The following DGKI variants were observed in gnomAD, a reference collection of about 807,000 sequenced individuals.
DGKI encodes DAG kinase iota.
Under a neutral mutation model 147.5 loss-of-function variants are expected in DGKI, and 55 were observed. The observed-to-expected ratio is 0.37, with a 90% CI of 0.30 to 0.47. The LOEUF is 0.47. DGKI is among the 20% of genes least tolerant of loss of function. The probability of loss-of-function intolerance (pLI) is 1.00; values close to 1 mark genes in which losing one functional copy is unlikely to be tolerated. For synonymous variants in DGKI, 469 were observed against 477.1 expected (o/e 0.98, Z 0.22); for missense variants, 1,007 against 1,323.8 (o/e 0.76, Z 3.71).
chr7:137,598,165 G>A (rs994989322), intron 11 of DGKI, among the ~76,000 whole-genome samples: 1 of 152,118 alleles, frequency 6.6e-6, no homozygotes, highest in African/African-American at 2.4e-5. Context: ...GGATGTCCTA[G>A]TTTTATTTCC....
intron 6 of DGKI, 95 bp from the exon 7 acceptor site, chr7:137,623,649 A>G: frequency 9.3e-7 from 1 of 1,079,426 alleles, no homozygotes; most frequent in Admixed American, 1.7e-5. Flanking sequence ...ATAAGGCCAG[A>G]AGGCCAGGAC....
At chr7:137,789,591 C>G (rs1382420266) in intron 1 of DGKI, among the ~76,000 whole-genome samples, 1 of 151,922 alleles carries the variant, frequency 6.6e-6, no homozygotes, top group Non-Finnish European at 1.5e-5. Context: ...AAACATTCTA[C>G]AAAGTGTATT....
At chr7:137,618,882 C>A (rs1413878162) in intron 8 of DGKI, among the ~76,000 whole-genome samples, 3 of 152,054 alleles carry the variant, frequency 2.0e-5, no homozygotes, top group Admixed American at 2.0e-4. Flanking sequence ...TAATTTTATT[C>A]GTAAACATTA....
At chr7:137,521,285 G>A (rs1019535451) in intron 21 of DGKI, among the ~76,000 whole-genome samples, 2 of 151,908 alleles carry the variant, frequency 1.3e-5, no homozygotes, top group Non-Finnish European at 2.9e-5. Flanking sequence ...TGTATTCAAA[G>A]AAGCATACAG....
chr7:137,463,589 C>A lies in DGKI; in HGVS notation c.2635G>T (p.Ala879Ser). The A allele has an allele frequency of 3.1e-6, 5 of 1,614,172 alleles. No individual in the cohort carries two copies. Among genetic ancestry groups the A allele is most frequent in the Non-Finnish European group, 4.2e-6 (5 of 1,180,006 alleles). Reference protein sequence around the residue: ...ASGISDWWNPALRKRMLSDSG... With the variant: ...ASGISDWWNPSLRKRMLSDSG... ...TCACTCAGCATGCGTTTCCGCAGGG[C>A]AGGATTCCACCAGTCTGAGATCCTG... The change falls in exon 27 of 33, where the codon GCC (alanine) becomes TCC (serine). Residue 879 changes from alanine (A) to serine (S), a missense_variant. By Grantham distance (99) the Ala-to-Ser change is moderately conservative. Around this residue, in one of 5 missense-constraint regions of DGKI, gnomAD observed 385 missense variants for 445.2 expected, o/e 0.86. Coordinates refer to ENST00000614521, the MANE Select transcript of DGKI (RefSeq NM_001321708.2).
chr7:137,654,862 AAAAC>A, intron 4 of DGKI, 74 bp from the exon 5 acceptor site: 1 of 939,622 alleles, frequency 1.1e-6, no homozygotes, highest in Non-Finnish European at 1.6e-6. Flanking sequence ...GAAAAAAAAA[AAAAC>A]AGTGACAGAT....
chr7:137,555,317 G>C (rs1818187629), intron 19 of DGKI, among the ~76,000 whole-genome samples: 1 of 151,968 alleles, frequency 6.6e-6, no homozygotes, highest in Admixed American at 6.5e-5. Flanking sequence ...CATGAGGTCA[G>C]AAGTTCAAGA....
At chr7:137,478,417 C>A (rs1272174799) in intron 23 of DGKI, among the ~76,000 whole-genome samples, 1 of 152,136 alleles carries the variant, frequency 6.6e-6, no homozygotes, top group African/African-American at 2.4e-5. Flanking sequence ...ATCTATACAC[C>A]TTTCTCTTGT....
chr7:137,594,496 G>A (rs1305971048), intron 12 of DGKI, among the ~76,000 whole-genome samples: 1 of 152,032 alleles, frequency 6.6e-6, no homozygotes, highest in Non-Finnish European at 1.5e-5. Flanking sequence ...ACGGTTATGG[G>A]GTAATATAGC....
Position 137,571,189 on chromosome 7 carries a change from T to C in DGKI, c.1933A>G (p.Thr645Ala). ...DDGYIEVIGF[T>A]MASLAALQVG... is the part of the protein sequence containing the mutation. ...ATATTGCTCACCAAAGAGGCCATGG[T>C]AAATCCAATGACTTCAATATAACCA... Residue 645 changes from threonine to alanine, a missense_variant, in exon 19 of 33, where the codon ACC becomes GCC. By Grantham distance (58) the Thr-to-Ala change is moderately conservative. Transcript: ENST00000614521. 4 of 1,608,468 alleles carry C rather than the reference T, an allele frequency of 2.5e-6. No individual in the cohort carries two copies. The highest frequency in any genetic ancestry group is 3.4e-6 in the Non-Finnish European group (4 of 1,178,690).
intron 14 of DGKI, among the ~76,000 whole-genome samples, chr7:137,582,414 T>TTC (rs147596311): frequency 0.044 from 6,598 of 148,886 alleles, 328 homozygotes; most frequent in African/African-American, 0.13. Flanking sequence ...ATCACCCATT[T>TTC]TCTCTCTCTC....
intron 19 of DGKI, among the ~76,000 whole-genome samples, chr7:137,565,208 A>G (rs2128973076): frequency 6.6e-6 from 1 of 152,284 alleles, no homozygotes; most frequent in East Asian, 1.9e-4. Flanking sequence ...TAAAATAATT[A>G]TTACATAAAT....
chr7:137,728,137 T>C (rs1351088250), intron 1 of DGKI, among the ~76,000 whole-genome samples: 3 of 152,206 alleles, frequency 2.0e-5, no homozygotes, highest in Admixed American at 2.0e-4. Flanking sequence ...AAATATGTTT[T>C]TAATTTGGTG....
chr7:137,456,249 T>A (rs763113938), intron 27 of DGKI, among the ~76,000 whole-genome samples: 1 of 152,340 alleles, frequency 6.6e-6, no homozygotes, highest in East Asian at 1.9e-4. Context: ...GGATCCAGCA[T>A]ACTTATATTC....
At chr7:137,577,782 G>A (rs1338126995) in intron 16 of DGKI, among the ~76,000 whole-genome samples, 5 of 152,046 alleles carry the variant, frequency 3.3e-5, no homozygotes, top group South Asian at 2.1e-4. Flanking sequence ...TACTATGAAC[G>A]TGCCTGAGAA....
At chr7:137,540,756 C>CA (rs1563075631) in intron 20 of DGKI, among the ~76,000 whole-genome samples, 4,083 of 14,702 alleles carry the variant, frequency 0.28, 1,659 homozygotes, top group Non-Finnish European at 0.39. Context: ...ATTTTAAAAA[C>CA]CCCCCCAAAA....
intron 1 of DGKI, among the ~76,000 whole-genome samples, chr7:137,711,666 G>A (rs1219481378): frequency 2.8e-5 from 4 of 141,020 alleles, no homozygotes; most frequent in East Asian, 2.1e-4. Context: ...TTCCTCATCC[G>A]TAAAATGGGG....
intron 3 of DGKI, among the ~76,000 whole-genome samples, chr7:137,674,660 C>T (rs898816657): frequency 6.6e-6 from 1 of 152,196 alleles, no homozygotes; most frequent in Non-Finnish European, 1.5e-5. Flanking sequence ...CATGCTCATG[C>T]ACGGCTCATG....
At chr7:137,488,572 T>C (rs1815651023) in intron 21 of DGKI, among the ~76,000 whole-genome samples, 1 of 152,148 alleles carries the variant, frequency 6.6e-6, no homozygotes, top group African/African-American at 2.4e-5. Context: ...CACGATTAAA[T>C]CCATGATCTA....
Sources: allele counts gnomAD v4.1 joint callset (sites outside exome capture counted in the v4.1 genomes callset), GRCh38; gene constraint gnomAD v4.1.1; regional missense constraint gnomAD v4.1.1; transcripts MANE v1.5; gene names NCBI Gene and HGNC (gene_info 2026-07-23, HGNC 2026-07-21).